Variants in AKAP19 observed in about 807,000 individuals in gnomAD.
AKAP19 encodes A-kinase anchoring protein 19.
the AKAP19 span, among the ~76,000 whole-genome samples, chr2:190,110,959 T>G: frequency 6.6e-6 from 1 of 152,222 alleles, no homozygotes; most frequent in Admixed American, 6.5e-5. Flanking sequence ...CTCAAAGCAC[T>G]CAGAAGCTTA....
At chr2:189,960,751 C>G in the AKAP19 span, among the ~76,000 whole-genome samples, 1 of 152,196 alleles carries the variant, frequency 6.6e-6, no homozygotes, top group African/African-American at 2.4e-5. Context: ...TGCCATGTGG[C>G]TAACCAGAGG....
the AKAP19 span, among the ~76,000 whole-genome samples, chr2:190,037,647 A>C: frequency 1.3e-5 from 2 of 152,220 alleles, no homozygotes; most frequent in African/African-American, 4.8e-5. Flanking sequence ...GCTTTGCAAG[A>C]GATAAGGCTC....
the AKAP19 span, among the ~76,000 whole-genome samples, chr2:190,141,631 C>T: frequency 6.6e-6 from 1 of 152,134 alleles, no homozygotes; most frequent in African/African-American, 2.4e-5. Context: ...TAACCACCCC[C>T]ATGATTCAGT....
At chr2:189,917,024 G>A in the AKAP19 span, among the ~76,000 whole-genome samples, 1 of 152,112 alleles carries the variant, frequency 6.6e-6, no homozygotes, top group Non-Finnish European at 1.5e-5. Context: ...GATACTAAAT[G>A]TGGCAGGGTT....
At chr2:189,950,320 G>A in the AKAP19 span, among the ~76,000 whole-genome samples, 4 of 142,486 alleles carry the variant, frequency 2.8e-5, no homozygotes, top group South Asian at 2.3e-4. Flanking sequence ...GAGCCATGGC[G>A]CCCAGCCTTT....
the AKAP19 span, among the ~76,000 whole-genome samples, chr2:190,089,253 T>TTTAG: frequency 6.6e-6 from 1 of 152,102 alleles, no homozygotes; most frequent in Non-Finnish European, 1.5e-5. Context: ...ATTCTTTTCA[T>TTTAG]TTATTTATTT....
chr2:189,935,294 G>C, the AKAP19 span, among the ~76,000 whole-genome samples: 1 of 145,512 alleles, frequency 6.9e-6, no homozygotes, highest in African/African-American at 2.6e-5. Context: ...TTTAGAACTA[G>C]CACGTGTGCA....
At chr2:189,956,801 G>A in the AKAP19 span, among the ~76,000 whole-genome samples, 2 of 151,680 alleles carry the variant, frequency 1.3e-5, no homozygotes, top group East Asian at 3.9e-4. Context: ...CAGGCTGGTG[G>A]CAAACTCCTG....
the AKAP19 span, among the ~76,000 whole-genome samples, chr2:190,012,859 G>A: frequency 6.6e-6 from 1 of 152,064 alleles, no homozygotes; most frequent in Non-Finnish European, 1.5e-5. Flanking sequence ...TGCATCTAGT[G>A]AGATAAATAT....
At chr2:189,917,219 C>A in the AKAP19 span, 1 of 1,004,234 alleles carries the variant, frequency 1.0e-6, no homozygotes, top group Non-Finnish European at 1.5e-6. Flanking sequence ...GATCAAAATA[C>A]TTAACTGTCC....
chr2:189,916,292 A>T, the AKAP19 span, among the ~76,000 whole-genome samples: 2 of 150,582 alleles, frequency 1.3e-5, no homozygotes, highest in African/African-American at 4.9e-5. Flanking sequence ...TTATACTTCT[A>T]TAATTTTCTA....
At chr2:190,158,141 A>C in the AKAP19 span, among the ~76,000 whole-genome samples, 1 of 152,154 alleles carries the variant, frequency 6.6e-6, no homozygotes, top group South Asian at 2.1e-4. Flanking sequence ...GCTTGCTCAA[A>C]TCAATCACGA....
the AKAP19 span, among the ~76,000 whole-genome samples, chr2:189,956,405 G>A: frequency 5.3e-5 from 8 of 151,548 alleles, no homozygotes; most frequent in South Asian, 4.2e-4. Context: ...TCCTGACCTC[G>A]TGATCCGCCC....
the AKAP19 span, among the ~76,000 whole-genome samples, chr2:189,950,660 TAAAC>T: frequency 2.0e-5 from 3 of 152,168 alleles, no homozygotes; most frequent in Non-Finnish European, 4.4e-5. Flanking sequence ...TCACACTACA[TAAAC>T]AAATATTCCA....
the AKAP19 span, among the ~76,000 whole-genome samples, chr2:190,047,600 T>C: frequency 6.6e-6 from 1 of 152,216 alleles, no homozygotes; most frequent in Non-Finnish European, 1.5e-5. Context: ...TCTCTCTCCA[T>C]AGTTCCCGCA....
chr2:190,195,894 G>C, the AKAP19 span, among the ~76,000 whole-genome samples: 4 of 143,404 alleles, frequency 2.8e-5, no homozygotes, highest in Non-Finnish European at 6.1e-5. Context: ...TTAGGTCTAT[G>C]ATCCATTTCA....
the AKAP19 span, among the ~76,000 whole-genome samples, chr2:190,001,941 A>G: frequency 5.3e-5 from 8 of 152,322 alleles, no homozygotes; most frequent in Admixed American, 1.3e-4. Flanking sequence ...TCCTCTGGCC[A>G]GCCTTTGGGA....
the AKAP19 span, among the ~76,000 whole-genome samples, chr2:190,020,242 G>T: frequency 2.0e-5 from 3 of 152,144 alleles, no homozygotes; most frequent in East Asian, 5.8e-4. Context: ...GAAAACTTGG[G>T]ACCAAAGATT....
chr2:190,006,069 C>A, the AKAP19 span, among the ~76,000 whole-genome samples: 1 of 152,130 alleles, frequency 6.6e-6, no homozygotes, highest in Non-Finnish European at 1.5e-5. Context: ...TTAAAGGTGG[C>A]CATTTAAACA....
Sources: allele counts gnomAD v4.1 joint callset (sites outside exome capture counted in the v4.1 genomes callset), GRCh38; gene constraint gnomAD v4.1.1; transcripts MANE v1.5; gene names NCBI Gene and HGNC (gene_info 2026-07-23, HGNC 2026-07-21).